Variants in PCDH15 observed in about 807,000 individuals in gnomAD.
PCDH15 encodes protocadherin related 15.
PCDH15 carries 129 observed loss-of-function variants against 178.5 expected under a neutral mutation model. The observed-to-expected ratio is 0.72, with a 90% CI of 0.63 to 0.84. The LOEUF (loss-of-function observed/expected upper bound fraction) is 0.84, where lower values mean the gene tolerates loss of function less well. Ranked by LOEUF, PCDH15 falls within the 40% of genes least tolerant of loss-of-function variation. The pLI, the probability that PCDH15 is intolerant of heterozygous loss-of-function variation, is 0.00. For missense variants in PCDH15, 2,230 were observed against 2,099.9 expected (o/e 1.06, Z -1.21); for synonymous variants, 800 against 732.0 (o/e 1.09, Z -1.50).
intron 1 of PCDH15, among the ~76,000 whole-genome samples, chr10:55,199,472 T>C (rs982800783): frequency 2.0e-5 from 3 of 151,922 alleles, no homozygotes; most frequent in Non-Finnish European, 4.4e-5. Flanking sequence ...AACTTATATT[T>C]AAAAGGGAAT....
chr10:54,700,701 T>C (rs146520072), intron 1 of PCDH15, among the ~76,000 whole-genome samples: 10 of 152,190 alleles, frequency 6.6e-5, no homozygotes, highest in Admixed American at 1.3e-4. Context: ...CTTTGAGAAC[T>C]ATGGGATTAT....
At chr10:54,718,973 G>A (rs184559963) in intron 1 of PCDH15, among the ~76,000 whole-genome samples, 1 of 151,946 alleles carries the variant, frequency 6.6e-6, no homozygotes, top group Admixed American at 6.6e-5. Flanking sequence ...AGGATTACAG[G>A]CATGAGCCAC....
chr10:55,400,439 G>C (rs1356544619), intron 2 of PCDH15, among the ~76,000 whole-genome samples: 1 of 152,140 alleles, frequency 6.6e-6, no homozygotes, highest in Non-Finnish European at 1.5e-5. Flanking sequence ...CATTCTAACA[G>C]AGTGTTTCCT....
chr10:54,260,406 A>G (rs549373093), intron 8 of PCDH15, among the ~76,000 whole-genome samples: 2 of 129,776 alleles, frequency 1.5e-5, no homozygotes, highest in East Asian at 2.0e-4. Context: ...AAAAAAATTT[A>G]TAGAAACTTT....
At chr10:53,832,965 T>C (rs1424306056) in intron 29 of PCDH15, among the ~76,000 whole-genome samples, 1 of 152,010 alleles carries the variant, frequency 6.6e-6, no homozygotes, top group African/African-American at 2.4e-5. Flanking sequence ...CTTTTATAGA[T>C]TAAAAATGTA....
chr10:55,510,212 AAT>A lies in PCDH15; in HGVS notation c.-156+117411_-156+117412del, dbSNP rs1399169775. 2.6e-5 allele frequency among the ~76,000 whole-genome samples: 4 copies of A among 152,008 alleles called. No homozygotes were observed. The Admixed American group carries it at 2.6e-4, about 10-fold the overall frequency. The stretch of plus-strand genomic sequence containing the variant: ...ATGTTGATAGTGTTTTAATAACTGC[AAT>A]ATGTTTTTTGAATATTTGGATGGGA... On this transcript the variant is annotated intron_variant, in intron 2 of 5. Coordinates refer to the PCDH15 transcript ENST00000613346.
intron 2 of PCDH15, among the ~76,000 whole-genome samples, chr10:55,572,899 C>T (rs1479682811): frequency 6.6e-6 from 1 of 151,918 alleles, no homozygotes; most frequent in African/African-American, 2.4e-5. Flanking sequence ...ATGGCTGAAG[C>T]AAAGAAGCAA....
chr10:54,331,703 G>A (rs1939617672), intron 6 of PCDH15, among the ~76,000 whole-genome samples: 1 of 151,864 alleles, frequency 6.6e-6, no homozygotes, highest in South Asian at 2.1e-4. Flanking sequence ...AATATATATT[G>A]GTTTCTAGCA....
At chr10:54,697,631 A>AGGAT in intron 1 of PCDH15, among the ~76,000 whole-genome samples, 1 of 89,390 alleles carries the variant, frequency 1.1e-5, no homozygotes, top group African/African-American at 4.3e-5. Context: ...GAGAAAAGGA[A>AGGAT]GGAAGGAAGG....
At chr10:55,464,717 T>C (rs956939115) in intron 2 of PCDH15, among the ~76,000 whole-genome samples, 2 of 148,472 alleles carry the variant, frequency 1.3e-5, no homozygotes, top group Non-Finnish European at 3.0e-5. Flanking sequence ...TATATACTTA[T>C]GTGTGTGTAT....
intron 1 of PCDH15, among the ~76,000 whole-genome samples, chr10:55,244,667 A>G (rs1308074123): frequency 6.6e-6 from 1 of 151,880 alleles, no homozygotes; most frequent in African/African-American, 2.4e-5. Flanking sequence ...GGAACAACTG[A>G]TATCAAAGCA....
intron 1 of PCDH15, among the ~76,000 whole-genome samples, chr10:54,690,455 C>T (rs74841119): frequency 0.036 from 5,409 of 151,668 alleles, 341 homozygotes; most frequent in African/African-American, 0.13. Flanking sequence ...GCTGGGACTA[C>T]AGGAGCACGC....
At chr10:54,351,425 C>T (rs1160866595) in intron 5 of PCDH15, among the ~76,000 whole-genome samples, 2 of 152,002 alleles carry the variant, frequency 1.3e-5, no homozygotes, top group African/African-American at 4.8e-5. Flanking sequence ...TAAAGACAGA[C>T]CATAATTTTT....
chr10:55,121,513 A>G (rs1022802869), intron 2 of PCDH15, among the ~76,000 whole-genome samples: 4 of 152,108 alleles, frequency 2.6e-5, no homozygotes, highest in African/African-American at 7.2e-5. Context: ...TGTATATAAG[A>G]AGGATATTAA....
At chr10:54,183,276 G>T (rs1015278579) in intron 13 of PCDH15, among the ~76,000 whole-genome samples, 168 bp downstream of exon 13, 1 of 152,154 alleles carries the variant, frequency 6.6e-6, no homozygotes, top group Non-Finnish European at 1.5e-5. Flanking sequence ...TGGCGGATAT[G>T]CTTTTATTTG....
chr10:54,341,991 A>G (rs2134089870), intron 6 of PCDH15, among the ~76,000 whole-genome samples: 1 of 152,352 alleles, frequency 6.6e-6, no homozygotes, highest in East Asian at 1.9e-4. Context: ...GCATATATGA[A>G]GACATTATGT....
At chr10:54,216,212 T>C (rs1470707210) in intron 9 of PCDH15, among the ~76,000 whole-genome samples, 1 of 152,032 alleles carries the variant, frequency 6.6e-6, no homozygotes, top group Non-Finnish European at 1.5e-5. Context: ...TCCTAGCACT[T>C]TGGGAGGCTG....
chr10:55,603,825 A>C (rs1429212492), intron 2 of PCDH15, among the ~76,000 whole-genome samples: 1 of 148,714 alleles, frequency 6.7e-6, no homozygotes, highest in African/African-American at 2.5e-5. Context: ...ACTAGGAAGA[A>C]ACTGCATCAA....
chr10:54,073,634 G>T (rs2094288162), intron 17 of PCDH15, among the ~76,000 whole-genome samples: 1 of 152,140 alleles, frequency 6.6e-6, no homozygotes, highest in African/African-American at 2.4e-5. Context: ...CAGACTGAAA[G>T]CCATAACTGA....
Sources: gnomAD v4.1 joint callset for allele counts (sites outside exome capture counted in the v4.1 genomes callset) on GRCh38, gnomAD v4.1.1 for gene constraint, MANE v1.5 for transcripts, NCBI Gene and HGNC (gene_info 2026-07-23, HGNC 2026-07-21) for gene names.